The following UNC13C variants were observed in gnomAD, a reference collection of about 807,000 sequenced individuals.
UNC13C encodes the protein unc-13 homolog C.
In UNC13C, 174 loss-of-function variants were observed where a neutral mutation model predicts 245.4. The ratio of observed to expected loss-of-function variants is 0.71; its 90% CI spans 0.63 to 0.80. UNC13C has a LOEUF of 0.80. UNC13C is among the 30% of genes least tolerant of loss of function. The pLI is 0.00. For missense variants in UNC13C, 2,829 were observed against 2,602.9 expected (o/e 1.09, Z -1.89); for synonymous variants, 992 against 895.1 (o/e 1.11, Z -1.93).
intron 17 of UNC13C, among the ~76,000 whole-genome samples, chr15:54,349,336 GC>G (rs1267536875): frequency 5.3e-5 from 8 of 151,558 alleles, no homozygotes; most frequent in Non-Finnish European, 1.2e-4. Flanking sequence ...AGCCAGTTAT[GC>G]TTCTATCACT....
intron 2 of UNC13C, among the ~76,000 whole-genome samples, chr15:54,024,195 C>A (rs1239375886): frequency 6.6e-6 from 1 of 152,158 alleles, no homozygotes; most frequent in African/African-American, 2.4e-5. Flanking sequence ...CTGGAGAGTA[C>A]ACGTCAGACC....
chr15:54,575,124 C>T (rs575248037), intron 30 of UNC13C, among the ~76,000 whole-genome samples: 3 of 152,250 alleles, frequency 2.0e-5, no homozygotes, highest in South Asian at 4.1e-4. Context: ...CAACCTCCAC[C>T]TCCTGGGTTC....
In UNC13C at chr15:54,070,579, G is replaced by GT. The variant is rs562017126; in HGVS notation, c.2983+54701dup. Among the ~76,000 whole-genome samples the GT allele has an allele frequency of 1.5e-3, 221 of 152,026 alleles. 1 individual carries two copies. The highest frequency in any genetic ancestry group is 3.7e-4 in the Non-Finnish European group (25 of 67,964). ...AGACCTGTTTTGTTAGCTTGCATAG[G>GT]TTTTTTTTAATCCTAAAAAATTTAC... On this transcript the variant is annotated intron_variant, in intron 2 of 32. Coordinates refer to ENST00000260323, the MANE Select transcript of UNC13C (RefSeq NM_001080534.3).
At chr15:53,873,440 C>G in the UNC13C span, among the ~76,000 whole-genome samples, 16 of 152,052 alleles carry the variant, frequency 1.1e-4, no homozygotes, top group Non-Finnish European at 7.4e-5. Context: ...CCATCTGACC[C>G]ACAGGAAACT....
At chr15:53,861,555 AT>A in the UNC13C span, among the ~76,000 whole-genome samples, 1 of 152,150 alleles carries the variant, frequency 6.6e-6, no homozygotes, top group Non-Finnish European at 1.5e-5. Context: ...TCAAAAACTC[AT>A]TTCTTAGCAT....
At chr15:54,270,809 A>G (rs1567149494) in intron 10 of UNC13C, among the ~76,000 whole-genome samples, 2 of 152,140 alleles carry the variant, frequency 1.3e-5, no homozygotes, top group South Asian at 2.1e-4. Context: ...TCGACACTAC[A>G]AAGTAGTGCC....
chr15:53,878,787 G>GTCT, the UNC13C span, among the ~76,000 whole-genome samples: 1 of 152,128 alleles, frequency 6.6e-6, no homozygotes, highest in African/African-American at 2.4e-5. Context: ...TGTTATAAGT[G>GTCT]TCTTATTGCA....
At chr15:54,301,289 GTTTTT>G (rs10548904) in intron 13 of UNC13C, among the ~76,000 whole-genome samples, 1 of 140,360 alleles carries the variant, frequency 7.1e-6, no homozygotes. Context: ...ATTTTCTTTT[GTTTTT>G]TTTTTTTTTT....
intron 2 of UNC13C, among the ~76,000 whole-genome samples, chr15:54,089,723 C>A (rs1399729317): frequency 6.7e-6 from 1 of 150,250 alleles, no homozygotes; most frequent in Non-Finnish European, 1.5e-5. Flanking sequence ...ATGCACTTCA[C>A]CTTTGGATTC....
chr15:54,231,996 T>A (rs993141794), intron 4 of UNC13C, among the ~76,000 whole-genome samples: 2 of 152,126 alleles, frequency 1.3e-5, no homozygotes. Flanking sequence ...AGCCTCCCAA[T>A]AAACATTACA....
chr15:53,845,066 C>G, the UNC13C span, among the ~76,000 whole-genome samples: 1 of 152,160 alleles, frequency 6.6e-6, no homozygotes, highest in East Asian at 1.9e-4. Context: ...TGGCTCACGT[C>G]TGAAATCCCA....
At chr15:54,455,235 ATAT>A (rs1567289226) in intron 19 of UNC13C, among the ~76,000 whole-genome samples, 2,231 of 93,980 alleles carry the variant, frequency 0.024, 338 homozygotes, top group Non-Finnish European at 0.031. Context: ...ATATATATAT[ATAT>A]GTTTTTTAAT....
rs571735639 is a variant in UNC13C, at chr15:54,117,975, C to G, written c.2984-25043C>G. Among the ~76,000 whole-genome samples, 18 of 152,236 alleles carry G rather than the reference C, an allele frequency of 1.2e-4. 1 individual carries two copies. In the South Asian group the frequency reaches 1.5e-3, roughly 12 times the overall value. On this transcript the variant is annotated intron_variant, in intron 2 of 32. Transcript: ENST00000260323. ...TGGCTGTAAATGTGCAGATTTACAT[C>G]TGGCTTCTCTCTTCTGTTCCTTTGG...
At chr15:54,543,627 C>T (rs991234042) in intron 26 of UNC13C, among the ~76,000 whole-genome samples, 1 of 152,018 alleles carries the variant, frequency 6.6e-6, no homozygotes, top group Admixed American at 6.6e-5. Flanking sequence ...CCACTGATCC[C>T]ACAGAAATAC....
At chr15:54,266,586 T>C (rs2036553542) in intron 10 of UNC13C, among the ~76,000 whole-genome samples, 1 of 152,036 alleles carries the variant, frequency 6.6e-6, no homozygotes, top group South Asian at 2.1e-4. Context: ...GTAGACAAGA[T>C]GCAGCTAGAG....
intron 1 of UNC13C, among the ~76,000 whole-genome samples, chr15:53,992,021 T>G (rs1894414375): frequency 6.6e-6 from 1 of 152,048 alleles, no homozygotes; most frequent in African/African-American, 2.4e-5. Flanking sequence ...TCTCTGAGAC[T>G]TATTATCCCT....
At chr15:54,390,367 A>G (rs190246635) in intron 17 of UNC13C, among the ~76,000 whole-genome samples, 4 of 152,156 alleles carry the variant, frequency 2.6e-5, no homozygotes, top group African/African-American at 9.7e-5. Context: ...TAATGAAATG[A>G]CTTTGTAAAC....
downstream of UNC13C, chr15:54,630,279 C>A (rs888828552): frequency 6.6e-6 from 1 of 152,198 alleles, no homozygotes; most frequent in African/African-American, 2.4e-5. Flanking sequence ...GTCCCCACTA[C>A]AACCTGCGCT....
chr15:54,583,285 G>C (rs941709694), intron 30 of UNC13C, among the ~76,000 whole-genome samples: 1 of 152,118 alleles, frequency 6.6e-6, no homozygotes, highest in Non-Finnish European at 1.5e-5. Context: ...GGAACATATA[G>C]AGTCAATGAA....
Sources: gnomAD v4.1 joint callset for allele counts (sites outside exome capture counted in the v4.1 genomes callset) on GRCh38, gnomAD v4.1.1 for gene constraint, MANE v1.5 for transcripts, NCBI Gene and HGNC (gene_info 2026-07-23, HGNC 2026-07-21) for gene names.